Variants in CNTFR observed in about 807,000 individuals in gnomAD.
CNTFR encodes ciliary neurotrophic factor receptor.
CNTFR carries 12 observed loss-of-function variants against 40.4 expected under a neutral mutation model. The ratio of observed to expected loss-of-function variants is 0.30; its 90% CI spans 0.19 to 0.48. The LOEUF (loss-of-function observed/expected upper bound fraction) is 0.48. CNTFR is among the 20% of genes least tolerant of loss of function. CNTFR has a pLI of 0.99. For synonymous variants in CNTFR, 202 were observed against 209.6 expected, an observed-to-expected ratio of 0.96 and a Z score of 0.31; for missense variants, 414 against 506.8, an observed-to-expected ratio of 0.82 and a Z score of 1.76.
chr9:34,584,333 G>A (rs947408393), intron 1 of CNTFR, among the ~76,000 whole-genome samples: 1 of 150,708 alleles, frequency 6.6e-6, no homozygotes, highest in Admixed American at 6.6e-5. Flanking sequence ...TCTCTTTCTT[G>A]TGCATCTCTC....
intron 3 of CNTFR, among the ~76,000 whole-genome samples, 191 bp downstream of exon 3, chr9:34,568,706 A>G (rs775957014): frequency 6.6e-6 from 1 of 152,106 alleles, no homozygotes; most frequent in South Asian, 2.1e-4. Flanking sequence ...CACCGTCAGC[A>G]TTCGACCACC....
chr9:34,560,582 A>AT (rs1159554608), intron 4 of CNTFR, among the ~76,000 whole-genome samples: 3 of 152,250 alleles, frequency 2.0e-5, no homozygotes, highest in African/African-American at 7.2e-5. Context: ...CAAACTGTGC[A>AT]TGTGGGAGGG....
At chr9:34,555,116 G>C (rs892764760) in intron 7 of CNTFR, among the ~76,000 whole-genome samples, 2 of 152,236 alleles carry the variant, frequency 1.3e-5, no homozygotes, top group Non-Finnish European at 2.9e-5. Flanking sequence ...CGCGACGCGC[G>C]GGGCTGCTGC....
Position 34,564,513 on chromosome 9 carries a change from C to G in CNTFR, c.319+86G>C, listed in dbSNP as rs1025109980. ...GCAGCTCTCCCCTCTCCATGTCCCC[C>G]TAACAGGAAGGGGACTTGATCTGGG... On this transcript the variant is annotated intron_variant, in intron 4 of 9. Coordinates refer to ENST00000378980, the MANE Select transcript of CNTFR (RefSeq NM_147164.3). The G allele has an allele frequency of 7.2e-6, 9 of 1,258,250 alleles. No homozygotes were observed. The African/African-American group carries it at 1.3e-4, about 19-fold the overall frequency. The allele number at this position is 1,258,250 out of a possible 1,614,324, so 77.9% of individuals were successfully genotyped here.
At chr9:34,580,340 C>T (rs920945231) in intron 2 of CNTFR, 3 of 152,394 alleles carry the variant, frequency 2.0e-5, no homozygotes, top group African/African-American at 7.2e-5. Flanking sequence ...TCTCTACAGC[C>T]TTCTCAGGCC....
chr9:34,560,390 G>C (rs368111142), intron 4 of CNTFR, among the ~76,000 whole-genome samples: 57 of 152,320 alleles, frequency 3.7e-4, no homozygotes, highest in African/African-American at 1.3e-3. Context: ...GACTGTGTTT[G>C]CACGTGACTC....
Position 34,557,634 on chromosome 9 carries a change from T to C in CNTFR, c.496A>G (p.Ile166Val), listed in dbSNP as rs764235933. ...GTGGAGAACAGGTGCATGTAGCGAA[T>C]GTGGCAGCGGTTCTTGAGGGCTGGG... The part of the protein sequence containing the change: ...KDPALKNRCH[I>V]RYMHLFSTIK... The change falls in exon 6 of 10, where the codon ATT becomes GTT. Residue 166 changes from isoleucine to valine, a missense_variant. Around this residue, in one of 3 missense-constraint regions of CNTFR, gnomAD observed 250 missense variants for 269.5 expected, o/e 0.93. Coordinates refer to ENST00000378980, the MANE Select transcript of CNTFR (RefSeq NM_147164.3). The surrounding 1 kb of genome is among the most constrained non-coding windows in gnomAD (Gnocchi z 4.2). The C allele has an allele frequency of 3.7e-6, 6 of 1,614,182 alleles. No individual in the cohort carries two copies. Among genetic ancestry groups the C allele is most frequent in the Admixed American group, 1.7e-5 (1 of 60,028 alleles).
chr9:34,562,809 C>T (rs1022518690), intron 4 of CNTFR, among the ~76,000 whole-genome samples: 1 of 152,218 alleles, frequency 6.6e-6, no homozygotes, highest in East Asian at 1.9e-4. Flanking sequence ...TGCCTGCCCA[C>T]CTCACCCTCA....
chr9:34,565,174 T>C (rs1826230839), intron 3 of CNTFR, among the ~76,000 whole-genome samples: 1 of 151,964 alleles, frequency 6.6e-6, no homozygotes. Flanking sequence ...TCCTCTCCAG[T>C]CCCTGGGTTT....
Position 34,552,840 on chromosome 9 carries a change from G to T in CNTFR, c.783C>A (p.Asp261Glu), listed in dbSNP as rs767690198. ...CATCTGTGATGGTGTGTGCTGTGCC[G>T]TCGGACAGCTCCACCTGCAGCCAGA... ...LDQWQHVELS[D>E]GTAHTITDAY... Residue 261 changes from aspartate (D) to glutamate (E), a missense_variant, in exon 8 of 10, where the codon GAC becomes GAA. Around this residue, in one of 3 missense-constraint regions of CNTFR, gnomAD observed 83 missense variants for 145.0 expected, o/e 0.57. Coordinates refer to ENST00000378980, the MANE Select transcript of CNTFR (RefSeq NM_147164.3). The surrounding 1 kb of genome is among the most constrained non-coding windows in gnomAD (Gnocchi z 5.1). 1 of 1,611,702 alleles carries T rather than the reference G, an allele frequency of 6.2e-7. No homozygotes were observed.
chr9:34,557,841 C>T lies in CNTFR; in HGVS notation c.437+26G>A, dbSNP rs760588639. On this transcript the variant is annotated intron_variant, in intron 5 of 9. Coordinates refer to ENST00000378980, the MANE Select transcript of CNTFR (RefSeq NM_147164.3). This position sits in a 1 kb window ranked among gnomAD's most constrained non-coding sequence, Gnocchi z 4.2. ...GGAGAGGTCAGAGGTCAGGGCTGGA[C>T]CCGGGTCACAGGCGCAGCTACTCAC... 1 of 1,554,852 alleles carries T rather than the reference C, an allele frequency of 6.4e-7. No individual in the cohort carries two copies. The highest frequency in any genetic ancestry group is 2.3e-5 in the East Asian group (1 of 44,294).
intron 6 of CNTFR, among the ~76,000 whole-genome samples, chr9:34,556,887 C>G (rs1825855653): frequency 6.6e-6 from 1 of 152,182 alleles, no homozygotes; most frequent in Non-Finnish European, 1.5e-5. Flanking sequence ...GGGTAAAAGA[C>G]AGTCCACAGG....
chr9:34,559,520 C>A (rs1030031342), intron 4 of CNTFR, among the ~76,000 whole-genome samples: 4 of 152,340 alleles, frequency 2.6e-5, no homozygotes, highest in African/African-American at 9.6e-5. Context: ...CTTGGGAAGC[C>A]TTCCGGGCCC....
rs1471612187 is a variant in CNTFR at position 34,552,326 on chromosome 9, G to A, written c.953C>T (p.Thr318Ile). The A allele has an allele frequency of 2.0e-6, 3 of 1,537,176 alleles. No individual in the cohort carries two copies. The highest frequency in any genetic ancestry group is 1.2e-5 in the South Asian group (1 of 83,918). ...CAGGGAGCTGGTGGTGCTGGTCGTG[G>A]TCTCTGGGGAACATGGGGGAAACTC... Reference protein sequence around the residue: ...HLTTEAQAAETTTSTTSSLAP... With the variant: ...HLTTEAQAAEITTSTTSSLAP... The change falls in exon 9 of 10, where the codon ACC (threonine) becomes ATC (isoleucine). Residue 318 changes from threonine to isoleucine, a missense_variant. Physicochemically the swap from Thr to Ile is moderately conservative, Grantham distance 89. This residue lies in a region of CNTFR where 81 missense variants were observed against 92.2 expected (regional missense o/e 0.88). Transcript: ENST00000378980. This position sits in a 1 kb window ranked among gnomAD's most constrained non-coding sequence, Gnocchi z 5.1.
At chr9:34,581,655 C>A (rs1412032306) in intron 1 of CNTFR, among the ~76,000 whole-genome samples, 5 of 152,204 alleles carry the variant, frequency 3.3e-5, no homozygotes, top group Non-Finnish European at 7.3e-5. Flanking sequence ...CTGTGTTTGG[C>A]ACTTTATATG....
intron 2 of CNTFR, among the ~76,000 whole-genome samples, chr9:34,569,288 G>C (rs1826467077): frequency 1.3e-5 from 2 of 152,306 alleles, no homozygotes; most frequent in East Asian, 3.9e-4. Context: ...GTAGGCAAAG[G>C]TTTGCTAAGA....
At position 34,557,733 on chromosome 9, in the gene CNTFR, G is replaced by C; in HGVS notation, c.438-41C>G. ...ACCCAGGCACTGTTACGAACATCAA[G>C]GGTCAGGTGGGGCAGAGGTTGAGGA... On this transcript the variant is annotated intron_variant, in intron 5 of 9. Transcript: ENST00000378980. This position sits in a 1 kb window ranked among gnomAD's most constrained non-coding sequence, Gnocchi z 4.2. The C allele has an allele frequency of 6.2e-7, 1 of 1,611,640 alleles. No homozygotes were observed. The highest frequency in any genetic ancestry group is 1.3e-5 in the African/African-American group (1 of 74,990).
chr9:34,574,254 G>C (rs1211176087), intron 2 of CNTFR, among the ~76,000 whole-genome samples: 1 of 152,172 alleles, frequency 6.6e-6, no homozygotes, highest in Non-Finnish European at 1.5e-5. Flanking sequence ...GGGCCGGCTA[G>C]CCATGGGCGG....
intron 2 of CNTFR, among the ~76,000 whole-genome samples, chr9:34,577,106 G>C (rs1827011427): frequency 6.6e-6 from 1 of 152,234 alleles, no homozygotes; most frequent in African/African-American, 2.4e-5. Flanking sequence ...AGAGTCCTAA[G>C]GTGTCCTTGG....
Sources: gnomAD v4.1 joint callset for allele counts (sites outside exome capture counted in the v4.1 genomes callset) on GRCh38, gnomAD v4.1.1 for gene constraint, gnomAD v4.1.1 regional missense constraint, Gnocchi (gnomAD v3.1) non-coding constraint, MANE v1.5 for transcripts, NCBI Gene and HGNC (gene_info 2026-07-23, HGNC 2026-07-21) for gene names.